The following EFHC1 variants were observed in gnomAD, a reference collection of about 807,000 sequenced individuals.
The protein encoded by EFHC1 is EF-hand domain containing 1.
A neutral mutation model predicts 69.9 loss-of-function variants in EFHC1; 53 were observed. The ratio of observed to expected loss-of-function variants is 0.76; its 90% CI spans 0.61 to 0.95. EFHC1 has a LOEUF of 0.95. Among genes scored for constraint, EFHC1 ranks in the 40% least tolerant of loss-of-function variants. The pLI is 0.00. For synonymous variants in EFHC1, 256 were observed against 278.4 expected, an observed-to-expected ratio of 0.92 and a Z score of 0.80; for missense variants, 739 against 798.7, an observed-to-expected ratio of 0.93 and a Z score of 0.90.
At chr6:52,443,162 A>T (rs1053027604) in intron 3 of EFHC1, among the ~76,000 whole-genome samples, 2 of 152,134 alleles carry the variant, frequency 1.3e-5, no homozygotes, top group African/African-American at 4.8e-5. Flanking sequence ...AATTTGTTTA[A>T]GTTCTTTGTA....
Position 52,457,878 on chromosome 6 carries a change from G to C in EFHC1, c.916+3591G>C, listed in dbSNP as rs570225284. The stretch of plus-strand genomic sequence containing the variant: ...CCTCACTTTCTGTGCATCTTTGTTG[G>C]CTCACTCAGTCATTCGAATAATATT... On this transcript the variant is annotated intron_variant, in intron 5 of 10. Coordinates refer to ENST00000371068, the MANE Select transcript of EFHC1 (RefSeq NM_018100.4). 6.4e-4 allele frequency among the ~76,000 whole-genome samples: 98 copies of C among 152,196 alleles called. 1 individual carries two copies. The South Asian group carries it at 0.02, about 30-fold the overall frequency.
chr6:52,421,001 A>C, intron 1 of EFHC1: 1 of 1,021,358 alleles, frequency 9.8e-7, no homozygotes, highest in South Asian at 3.6e-5. Context: ...ACCCGGTAGT[A>C]TCTCCCACTC....
chr6:52,452,713 A>T lies in EFHC1; in HGVS notation c.599A>T (p.Glu200Val), dbSNP rs1406576420. ...GTATTTTTAGAAAGCCAAGGAATTG[A>T]GTTAAATCCACCAGAGAAGATGGCT... ...TQVFLESQGI[E>V]LNPPEKMALD... is the part of the protein sequence containing the mutation. Residue 200 changes from glutamate to valine, a missense_variant, in exon 4 of 11, where the codon GAG becomes GTG. By Grantham distance (121) the Glu-to-Val change is moderately radical. Transcript: ENST00000371068. 5 of 1,614,204 alleles carry T rather than the reference A, an allele frequency of 3.1e-6. No individual in the cohort carries two copies. Among genetic ancestry groups the T allele is most frequent in the Non-Finnish European group, 4.2e-6 (5 of 1,180,034 alleles).
At chr6:52,464,806 G>C (rs1765260092) in intron 5 of EFHC1, 89 bp from the exon 6 acceptor site, 2 of 1,139,866 alleles carry the variant, frequency 1.8e-6, no homozygotes, top group African/African-American at 1.5e-5. Context: ...ACTCCCTCAG[G>C]TTCTCAAGAA....
Position 52,438,660 on chromosome 6 carries a change from A to T in EFHC1, c.573+69A>T. The T allele has an allele frequency of 2.0e-6, 3 of 1,535,240 alleles. No homozygotes were observed. The African/African-American group carries it at 4.1e-5, about 21-fold the overall frequency. On this transcript the variant is annotated intron_variant, in intron 3 of 10. Transcript: ENST00000371068. ...TCTAATTTATAGAAGGATACATTTC[A>T]TTTATTAGGGTAAGGGGAGGACATT...
At chr6:52,421,008 A>T in intron 1 of EFHC1, 1 of 1,010,210 alleles carries the variant, frequency 9.9e-7, no homozygotes, top group Non-Finnish European at 1.2e-6. Context: ...AGTATCTCCC[A>T]CTCCCAGCTC....
intron 1 of EFHC1, chr6:52,421,083 T>C (rs1456059663): frequency 7.1e-6 from 7 of 980,646 alleles, no homozygotes; most frequent in Non-Finnish European, 8.5e-6. Context: ...TTTTCCTTTC[T>C]TCTTTATGCT....
chr6:52,476,114 G>A (rs1366486915), intron 7 of EFHC1, among the ~76,000 whole-genome samples: 2 of 152,148 alleles, frequency 1.3e-5, no homozygotes, highest in Admixed American at 1.3e-4. Context: ...GGCCAGCCAG[G>A]GCTCTGCAAC....
At chr6:52,432,405 G>T (rs1307143292) in intron 2 of EFHC1, among the ~76,000 whole-genome samples, 1 of 152,118 alleles carries the variant, frequency 6.6e-6, no homozygotes, top group East Asian at 1.9e-4. Context: ...CTTGGTAGTG[G>T]CAAATTCTCT....
At chr6:52,492,209 C>A in intron 10 of EFHC1, 61 bp from the exon 11 acceptor site, 1 of 1,440,172 alleles carries the variant, frequency 6.9e-7, no homozygotes, top group Non-Finnish European at 9.8e-7. Context: ...GCGCACTCTG[C>A]AGTTGAGCTG....
chr6:52,495,014 T>C lies in EFHC1; in HGVS notation c.*2673T>C, dbSNP rs1766014558. Reference sequence around the variant, plus strand: ...GTTTTGGTGAGTTCTTAGAACTCTTTCCAACCGGAAACTGCCCAGTGCACC... The same window carrying C: ...GTTTTGGTGAGTTCTTAGAACTCTTCCCAACCGGAAACTGCCCAGTGCACC... On this transcript the variant is annotated 3_prime_UTR_variant, in exon 11 of 11. Coordinates refer to ENST00000371068, the MANE Select transcript of EFHC1 (RefSeq NM_018100.4). 3 of 453,974 alleles carry C rather than the reference T, an allele frequency of 6.6e-6. No homozygotes were observed. Among genetic ancestry groups the C allele is most frequent in the African/African-American group, 4.0e-5 (2 of 49,994 alleles). 28.1% of individuals were successfully genotyped at this position (453,974 alleles called of 1,614,324 possible). A position where few individuals can be genotyped will look rare whatever the true frequency, so the allele number is the denominator to read the frequency against.
At position 52,490,222 on chromosome 6, in the gene EFHC1, T is replaced by G; in HGVS notation, c.1723T>G (p.Cys575Gly). ...TIQKQLKDHS[C>G]KDNIREAFQI... ...TCAGAAGCAACTGAAAGATCACTCA[T>G]GCAAAGACAACATTCGTGAGGCATT... Residue 575 changes from cysteine to glycine, a missense_variant, in exon 10 of 11, where the codon TGC becomes GGC. By Grantham distance (159) the Cys-to-Gly change is radical. Transcript: ENST00000371068. 1.9e-6 allele frequency: 3 copies of G among 1,614,126 alleles called. No individual in the cohort carries two copies. Among genetic ancestry groups the G allele is most frequent in the Non-Finnish European group, 2.5e-6 (3 of 1,179,984 alleles).
At position 52,493,537 on chromosome 6, in the gene EFHC1, A is replaced by G. The variant is rs1765967733; in HGVS notation, c.*1196A>G. ...TGTGGTGGCGTGTGCCTGTAGTCCC[A>G]GCCACTCGGGAGGCTTAAATGGGAG... is the stretch of plus-strand genomic sequence containing the variant. On this transcript the variant is annotated 3_prime_UTR_variant, in exon 11 of 11. Transcript: ENST00000371068. 2.4e-6 allele frequency: 1 copy of G among 423,742 alleles called. No individual in the cohort carries two copies. Among genetic ancestry groups the G allele is most frequent in the Non-Finnish European group, 4.7e-6 (1 of 214,068 alleles). The allele number at this position is 423,742 out of a possible 1,614,324, so 26.2% of individuals were successfully genotyped here.
rs1356155233 is a variant in EFHC1, at chr6:52,479,692, C to T, written c.1545C>T (p.Tyr515=). 5.6e-6 allele frequency: 9 copies of T among 1,614,206 alleles called. No individual in the cohort carries two copies. Among genetic ancestry groups the T allele is most frequent in the Non-Finnish European group, 7.6e-6 (9 of 1,180,038 alleles). Reference sequence around the variant, plus strand: ...ATACAGACGAGTATGTTTTGAAATACATGGAGAGCAACGCTGCCCAGTATT... The same window carrying T: ...ATACAGACGAGTATGTTTTGAAATATATGGAGAGCAACGCTGCCCAGTATT... The part of the protein sequence containing the change: ...ILDTDEYVLK[Y]MESNAAQYSP... The change falls in exon 9 of 11, where the codon TAC becomes TAT. Residue 515 remains tyrosine, a synonymous_variant. Coordinates refer to ENST00000371068, the MANE Select transcript of EFHC1 (RefSeq NM_018100.4).
chr6:52,428,487 A>C (rs189709713), intron 2 of EFHC1, among the ~76,000 whole-genome samples: 1 of 152,332 alleles, frequency 6.6e-6, no homozygotes, highest in Non-Finnish European at 1.5e-5. Flanking sequence ...AATAGTCTCC[A>C]GTCTCATCCA....
chr6:52,469,620 G>A, intron 7 of EFHC1, 147 bp downstream of exon 7: 1 of 1,162,492 alleles, frequency 8.6e-7, no homozygotes, highest in Middle Eastern at 2.9e-4. Flanking sequence ...AGCCTTCAGG[G>A]AGGTTGGATA....
intron 2 of EFHC1, among the ~76,000 whole-genome samples, chr6:52,428,567 T>G (rs1764351817): frequency 6.6e-6 from 1 of 152,200 alleles, no homozygotes; most frequent in South Asian, 2.1e-4. Context: ...ATATCACATT[T>G]TCTTTGTCCA....
chr6:52,494,387 C>G lies in EFHC1; in HGVS notation c.*2046C>G, dbSNP rs1159146107. On this transcript the variant is annotated 3_prime_UTR_variant, in exon 11 of 11. Coordinates refer to ENST00000371068, the MANE Select transcript of EFHC1 (RefSeq NM_018100.4). ...GATAGTGGTTTCTTCTTACTCCCTT[C>G]TTTCTGTCTTCTGCTCCCTTTGTTC... 2 of 454,132 alleles carry G rather than the reference C, an allele frequency of 4.4e-6. No individual in the cohort carries two copies. Among genetic ancestry groups the G allele is most frequent in the South Asian group, 1.6e-5 (1 of 64,478 alleles). 28.1% of individuals were successfully genotyped at this position (454,132 alleles called of 1,614,324 possible). A position where few individuals can be genotyped will look rare whatever the true frequency, so the allele number is the denominator to read the frequency against.
intron 2 of EFHC1, among the ~76,000 whole-genome samples, chr6:52,429,058 ATTTG>A (rs1347483025): frequency 5.9e-5 from 9 of 151,864 alleles, no homozygotes; most frequent in African/African-American, 2.2e-4. Context: ...TTCCTTGCTA[ATTTG>A]TTTGAGTTCA....
Sources: allele counts gnomAD v4.1 joint callset (sites outside exome capture counted in the v4.1 genomes callset), GRCh38; gene constraint gnomAD v4.1.1; transcripts MANE v1.5; gene names NCBI Gene and HGNC (gene_info 2026-07-23, HGNC 2026-07-21).